Variants in MYRFL observed in about 807,000 individuals in gnomAD.
MYRFL encodes myelin regulatory factor-like protein.
In MYRFL, 88 loss-of-function variants were observed where a neutral mutation model predicts 109.4. The observed-to-expected ratio is 0.80, with a 90% CI of 0.68 to 0.96. MYRFL has a LOEUF of 0.96. MYRFL is among the 40% of genes least tolerant of loss of function. The pLI, the probability that MYRFL is intolerant of heterozygous loss-of-function variation, is 0.00. For synonymous variants in MYRFL, 324 were observed against 320.9 expected (o/e 1.01, Z -0.10); for missense variants, 957 against 954.9 (o/e 1.00, Z -0.03).
At chr12:69,837,837 A>G (rs1036425736) in intron 1 of MYRFL, among the ~76,000 whole-genome samples, 3 of 152,142 alleles carry the variant, frequency 2.0e-5, no homozygotes, top group African/African-American at 7.2e-5. Flanking sequence ...TTCACCTTTC[A>G]AAGTATGTAA....
At chr12:69,859,928 T>C (rs1237941677) in intron 2 of MYRFL, among the ~76,000 whole-genome samples, 1 of 152,136 alleles carries the variant, frequency 6.6e-6, no homozygotes, top group East Asian at 1.9e-4. Context: ...GCTCTCTTTT[T>C]TTTTCTTTTC....
intron 19 of MYRFL, among the ~76,000 whole-genome samples, chr12:69,940,537 G>A (rs1214482627): frequency 6.6e-6 from 1 of 151,842 alleles, no homozygotes; most frequent in African/African-American, 2.4e-5. Flanking sequence ...TGCCCTAAAA[G>A]AGCTCCTGAA....
chr12:69,865,467 G>A (rs975559358), intron 2 of MYRFL, among the ~76,000 whole-genome samples: 1 of 152,030 alleles, frequency 6.6e-6, no homozygotes, highest in Non-Finnish European at 1.5e-5. Context: ...TTTATGGCTC[G>A]CTTTATGGGG....
intron 6 of MYRFL, among the ~76,000 whole-genome samples, chr12:69,888,042 C>A (rs1886564570): frequency 6.6e-6 from 1 of 152,184 alleles, no homozygotes; most frequent in Non-Finnish European, 1.5e-5. Context: ...AACTTAACTG[C>A]TTCCCAGGCT....
intron 1 of MYRFL, among the ~76,000 whole-genome samples, chr12:69,839,108 A>G (rs555696021): frequency 6.6e-5 from 10 of 152,288 alleles, no homozygotes; most frequent in East Asian, 3.9e-4. Context: ...ACGTAGATCC[A>G]TAATATTTTA....
chr12:69,836,586 A>G (rs897153049), intron 1 of MYRFL, among the ~76,000 whole-genome samples: 7 of 152,230 alleles, frequency 4.6e-5, no homozygotes, highest in Non-Finnish European at 8.8e-5. Flanking sequence ...AGCTGTTAGC[A>G]TGAGCAGGCT....
intron 15 of MYRFL, among the ~76,000 whole-genome samples, chr12:69,930,544 C>T (rs1404803781): frequency 1.3e-5 from 2 of 152,036 alleles, no homozygotes; most frequent in Non-Finnish European, 2.9e-5. Context: ...GACGGCTGGG[C>T]ATGGTGGCTC....
chr12:69,871,225 A>C (rs534994496), intron 2 of MYRFL, among the ~76,000 whole-genome samples: 1 of 140,430 alleles, frequency 7.1e-6, no homozygotes, highest in South Asian at 2.3e-4. Context: ...CTCTTTTTGG[A>C]TATTTCTTTT....
chr12:69,917,294 G>A (rs1053357521), intron 13 of MYRFL, among the ~76,000 whole-genome samples: 1 of 152,006 alleles, frequency 6.6e-6, no homozygotes, highest in Non-Finnish European at 1.5e-5. Context: ...CCCCTCGGTT[G>A]GGCCTGTGCT....
chr12:69,914,819 A>C (rs1247371739), intron 13 of MYRFL, among the ~76,000 whole-genome samples: 4 of 152,206 alleles, frequency 2.6e-5, no homozygotes, highest in Non-Finnish European at 5.9e-5. Flanking sequence ...AAATTGGTAA[A>C]ACTCACAGGA....
At chr12:69,928,437 G>A (rs929903882) in intron 15 of MYRFL, among the ~76,000 whole-genome samples, 1 of 152,178 alleles carries the variant, frequency 6.6e-6, no homozygotes, top group South Asian at 2.1e-4. Context: ...GCCCTTCCCT[G>A]GGGAAGATAT....
chr12:69,829,183 A>G (rs1160610568), intron 1 of MYRFL, among the ~76,000 whole-genome samples: 1 of 152,086 alleles, frequency 6.6e-6, no homozygotes, highest in Non-Finnish European at 1.5e-5. Context: ...AGCTCTTGAG[A>G]TCTATGAGGA....
At chr12:69,903,438 A>G (rs193250767) in intron 10 of MYRFL, among the ~76,000 whole-genome samples, 1 of 152,310 alleles carries the variant, frequency 6.6e-6, no homozygotes, top group East Asian at 1.9e-4. Flanking sequence ...AGCTCCTGCT[A>G]GCGGGGAGGC....
intron 1 of MYRFL, among the ~76,000 whole-genome samples, chr12:69,848,633 T>G (rs982767900): frequency 1.3e-5 from 2 of 152,200 alleles, no homozygotes; most frequent in African/African-American, 4.8e-5. Flanking sequence ...AAACAAGTTT[T>G]AGTTGGTATT....
chr12:69,909,945 T>C (rs2120386547), intron 11 of MYRFL, 24 bp from the exon 12 acceptor site: 1 of 1,476,424 alleles, frequency 6.8e-7, no homozygotes, highest in East Asian at 2.5e-5. Context: ...GCGAGTAAAA[T>C]CTGCTCTTCT....
At chr12:69,953,101 C>T (rs990249548) in intron 21 of MYRFL, among the ~76,000 whole-genome samples, 4 of 152,138 alleles carry the variant, frequency 2.6e-5, no homozygotes, top group African/African-American at 7.2e-5. Flanking sequence ...TAGTGATTCC[C>T]GTCTCCTGGT....
chr12:69,895,309 T>C (rs1953949520), intron 8 of MYRFL, 62 bp from the exon 9 acceptor site: 1 of 1,205,132 alleles, frequency 8.3e-7, no homozygotes, highest in East Asian at 2.5e-5. Flanking sequence ...GGATTAGATA[T>C]GATCAGAGAT....
intron 2 of MYRFL, among the ~76,000 whole-genome samples, chr12:69,876,718 T>C (rs1343114363): frequency 1.3e-5 from 2 of 152,244 alleles, no homozygotes; most frequent in Non-Finnish European, 2.9e-5. Context: ...CTCGAGTACA[T>C]TCCATTTTTC....
At chr12:69,955,960 GTTTC>G (rs904073407) in intron 22 of MYRFL, among the ~76,000 whole-genome samples, 1 of 151,922 alleles carries the variant, frequency 6.6e-6, no homozygotes, top group Non-Finnish European at 1.5e-5. Flanking sequence ...TTGAGCTACT[GTTTC>G]TTTATCTGTA....
Sources: allele counts gnomAD v4.1 joint callset (sites outside exome capture counted in the v4.1 genomes callset), GRCh38; gene constraint gnomAD v4.1.1; transcripts MANE v1.5; gene names NCBI Gene and HGNC (gene_info 2026-07-23, HGNC 2026-07-21).